The following ATAD3B variants were observed in gnomAD, a reference collection of about 807,000 sequenced individuals.
ATAD3B encodes ATPase family AAA domain containing 3B, also known as ATPase family AAA domain-containing protein 3B.
A neutral mutation model predicts 70.2 loss-of-function variants in ATAD3B; 59 were observed. That is an observed-to-expected ratio of 0.84 (90% CI 0.68 to 1.04). The LOEUF (loss-of-function observed/expected upper bound fraction) is 1.04. Ranked by LOEUF, ATAD3B falls within the 50% of genes least tolerant of loss-of-function variation. ATAD3B has a pLI of 0.00. For synonymous variants in ATAD3B, 423 were observed against 388.6 expected (o/e 1.09, Z -1.04); for missense variants, 961 against 913.4 (o/e 1.05, Z -0.67).
downstream of ATAD3B, among the ~76,000 whole-genome samples, chr1:1,502,076 A>G (rs1258153827): frequency 6.6e-6 from 1 of 151,650 alleles, no homozygotes; most frequent in African/African-American, 2.4e-5. Flanking sequence ...ATGGGATTTC[A>G]CCATGTTGGC....
rs138047651 is a variant in ATAD3B, at chr1:1,479,476, C to T, written c.444+368C>T. 1.1e-4 allele frequency among the ~76,000 whole-genome samples: 15 copies of T among 142,132 alleles called. No homozygotes were observed. In the East Asian group the frequency reaches 2.4e-3, roughly 23 times the overall value. The allele number at this position is 142,132 out of a possible 152,430, so 93.2% of individuals were successfully genotyped here. A position where few individuals can be genotyped will look rare whatever the true frequency, so the allele number is the denominator to read the frequency against. ...AACATGGGCCCACACACACACACCC[C>T]TGTGCGCACACACCCCTACACAGGG... is the stretch of plus-strand genomic sequence containing the variant. On this transcript the variant is annotated intron_variant, in intron 4 of 15. Coordinates refer to ENST00000673477, the MANE Select transcript of ATAD3B (RefSeq NM_031921.6).
intron 15 of ATAD3B, among the ~76,000 whole-genome samples, chr1:1,494,831 A>G (rs2100603409): frequency 6.6e-6 from 1 of 152,028 alleles, no homozygotes; most frequent in African/African-American, 2.4e-5. Context: ...GGGGGTCCCC[A>G]CACCCTCACC....
the ATAD3B span, among the ~76,000 whole-genome samples, chr1:1,507,235 G>A: frequency 2.0e-5 from 3 of 152,168 alleles, no homozygotes; most frequent in South Asian, 6.2e-4. Flanking sequence ...AAGCAGTAAA[G>A]CATTCTTGCC....
chr1:1,499,069 T>TG (rs1423585134), downstream of ATAD3B, among the ~76,000 whole-genome samples: 24 of 151,712 alleles, frequency 1.6e-4, no homozygotes, highest in Non-Finnish European at 2.8e-4. Context: ...CCTCCCGGGT[T>TG]CACGCCATTC....
In ATAD3B at chr1:1,485,147, GGA is replaced by G; in HGVS notation, c.884_885del (p.Glu295GlyfsTer26). On this transcript the variant is annotated frameshift_variant, in exon 8 of 16. Transcript: ENST00000673477. LOFTEE classifies it high-confidence loss of function. ...GGGAGACGTCCCGCATCACGGTGCT[GGA>G]GGCGCTGCGGCACCCCATCCAGGTA... The part of the protein sequence containing the change: ...VRETSRITVL[E>X]ALRHPIQVSR... 6.3e-7 allele frequency: 1 copy of G among 1,594,078 alleles called. No homozygotes were observed.
At chr1:1,473,748 C>T (rs895553481) in intron 1 of ATAD3B, among the ~76,000 whole-genome samples, 8 of 152,082 alleles carry the variant, frequency 5.3e-5, no homozygotes, top group African/African-American at 1.9e-4. Context: ...CCCGCCTCGA[C>T]CTCCCAAAGT....
At chr1:1,476,068 G>C (rs1253262526) in intron 1 of ATAD3B, among the ~76,000 whole-genome samples, 1 of 140,122 alleles carries the variant, frequency 7.1e-6, no homozygotes, top group African/African-American at 3.1e-5. Context: ...TTCAGCCCTT[G>C]GCTTCCCGAG....
intron 2 of ATAD3B, chr1:1,478,296 C>A: frequency 3.2e-6 from 3 of 929,974 alleles, no homozygotes; most frequent in Non-Finnish European, 4.7e-6. Context: ...GGCGCCCGGC[C>A]CACTCAGCAG....
intron 2 of ATAD3B, among the ~76,000 whole-genome samples, chr1:1,477,664 C>T (rs1276533247): frequency 2.7e-5 from 4 of 150,542 alleles, no homozygotes; most frequent in African/African-American, 9.9e-5. Flanking sequence ...CATTTCTTTT[C>T]ACTCAGCAGG....
chr1:1,481,589 T>C (rs1639906398), intron 5 of ATAD3B, among the ~76,000 whole-genome samples: 1 of 104,064 alleles, frequency 9.6e-6, no homozygotes, highest in South Asian at 3.8e-4. Context: ...TCACCGTGGG[T>C]GGGCTTGTGG....
intron 7 of ATAD3B, chr1:1,483,254 C>T (rs1640020990): frequency 5.9e-6 from 2 of 340,274 alleles, no homozygotes; most frequent in Non-Finnish European, 1.2e-5. Flanking sequence ...GAGATCCCGC[C>T]ACTGCACCCC....
chr1:1,503,436 G>A, the ATAD3B span: 2 of 711,334 alleles, frequency 2.8e-6, no homozygotes, highest in South Asian at 1.7e-5. Context: ...CGCCAGGTCT[G>A]ACTAGGAAGG....
chr1:1,483,484 T>A (rs1640034788), intron 7 of ATAD3B: 1 of 195,056 alleles, frequency 5.1e-6, no homozygotes, highest in South Asian at 7.8e-5. Context: ...ACAAACAAAA[T>A]AAATAAGCCA....
rs750379879 is a variant in ATAD3B, at chr1:1,477,336, C to T, written c.268C>T (p.Gln90Ter). 12 of 1,612,190 alleles carry T rather than the reference C, an allele frequency of 7.4e-6. No individual in the cohort carries two copies. The South Asian group carries it at 9.9e-5, about 13-fold the overall frequency. The change falls in exon 2 of 16, where the codon CAG (glutamine) becomes TAG (stop). Residue 90 changes from glutamine (Q) to a stop codon, truncating the protein, a stop_gained. Transcript: ENST00000673477. LOFTEE classifies it high-confidence loss of function. ...MQEQTLQLEQ[Q>*]SKLKEYEAAV... Reference sequence around the variant, plus strand: ...GGAGCAGACGCTGCAGTTGGAGCAACAGTCCAAGCTCAAAGTGAGTGGGGC... The same window carrying T: ...GGAGCAGACGCTGCAGTTGGAGCAATAGTCCAAGCTCAAAGTGAGTGGGGC...
chr1:1,478,358 A>G (rs1570204228), intron 2 of ATAD3B: 2 of 1,395,878 alleles, frequency 1.4e-6, no homozygotes, highest in Non-Finnish European at 1.9e-6. Context: ...AAAAGTGAGC[A>G]CCTGCCTGGA....
chr1:1,502,717 G>A (rs1436911337), downstream of ATAD3B, among the ~76,000 whole-genome samples: 4 of 143,524 alleles, frequency 2.8e-5, no homozygotes, highest in East Asian at 4.4e-4. Flanking sequence ...TCACCATGTT[G>A]CCAAGGCTGG....
In ATAD3B at chr1:1,489,201, CAGG is replaced by C. The variant is rs776743952; in HGVS notation, c.1270_1272del (p.Glu424del). 1.1e-5 allele frequency: 17 copies of C among 1,613,478 alleles called. 1 individual carries two copies. Among genetic ancestry groups the C allele is most frequent in the Non-Finnish European group, 1.0e-5 (12 of 1,179,564 alleles). ...GCCTAAGGCTGGAACCTTCTCTCTG[CAGG>C]AGGAGATAAGCAAGGACCTCAGAGC... is the stretch of plus-strand genomic sequence containing the variant. On this transcript the variant is annotated splice_acceptor_variant and coding_sequence_variant, in exon 13 of 16. Transcript: ENST00000673477. LOFTEE classifies it high-confidence loss of function.
In ATAD3B at chr1:1,476,305, G is replaced by A. The variant is rs541848208; in HGVS notation, c.206-969G>A. 1.7e-3 allele frequency among the ~76,000 whole-genome samples: 251 copies of A among 148,406 alleles called. 1 individual carries two copies. The highest frequency in any genetic ancestry group is 3.1e-3 in the Non-Finnish European group (210 of 67,812). On this transcript the variant is annotated intron_variant, in intron 1 of 15. Coordinates refer to ENST00000673477, the MANE Select transcript of ATAD3B (RefSeq NM_031921.6). ...TCTAAATGCAACGAGTGCTCCCCAC[G>A]GCACTTCCCCCTGCGTCAGTCACCT...
At chr1:1,505,448 T>A in the ATAD3B span, among the ~76,000 whole-genome samples, 1 of 152,300 alleles carries the variant, frequency 6.6e-6, no homozygotes, top group Non-Finnish European at 1.5e-5. Context: ...GGCCTTCGGA[T>A]AACTGTGGGC....
Sources: allele counts gnomAD v4.1 joint callset (sites outside exome capture counted in the v4.1 genomes callset), GRCh38; gene constraint gnomAD v4.1.1; transcripts MANE v1.5; gene names NCBI Gene and HGNC (gene_info 2026-07-23, HGNC 2026-07-21).